Variants in PRKN observed in about 807,000 individuals in gnomAD.
PRKN encodes E3 ubiquitin-protein ligase parkin.
Under a neutral mutation model 59.5 loss-of-function variants are expected in PRKN, and 56 were observed. That is an observed-to-expected ratio of 0.94 (90% CI 0.76 to 1.18). The LOEUF (loss-of-function observed/expected upper bound fraction) is 1.18. PRKN is among the 50% of genes most tolerant of loss of function. The pLI is 0.00. For synonymous variants in PRKN, 250 were observed against 222.1 expected (o/e 1.13, Z -1.12); for missense variants, 657 against 596.4 (o/e 1.10, Z -1.06).
intron 1 of PRKN, among the ~76,000 whole-genome samples, chr6:162,695,576 T>A (rs187153868): frequency 5.3e-5 from 8 of 152,188 alleles, no homozygotes; most frequent in African/African-American, 1.9e-4. Context: ...CATTCATTTT[T>A]AAAAAACTCT....
chr6:161,716,385 T>A (rs1466673340), intron 7 of PRKN, among the ~76,000 whole-genome samples: 1 of 152,092 alleles, frequency 6.6e-6, no homozygotes, highest in Non-Finnish European at 1.5e-5. Context: ...TCCCCCTAAA[T>A]GTATAGAAAT....
intron 9 of PRKN, among the ~76,000 whole-genome samples, chr6:161,501,763 A>G (rs1270499852): frequency 6.6e-6 from 1 of 152,174 alleles, no homozygotes; most frequent in Non-Finnish European, 1.5e-5. Context: ...GAATTTGTAC[A>G]AGGCTCAGTG....
At chr6:161,799,913 A>G (rs1407782471) in intron 6 of PRKN, among the ~76,000 whole-genome samples, 1 of 152,144 alleles carries the variant, frequency 6.6e-6, no homozygotes, top group Non-Finnish European at 1.5e-5. Context: ...GGCATTTGTG[A>G]AGAATTAATC....
At chr6:161,910,530 C>A (rs566824767) in intron 6 of PRKN, among the ~76,000 whole-genome samples, 1 of 152,286 alleles carries the variant, frequency 6.6e-6, no homozygotes, top group South Asian at 2.1e-4. Context: ...GCTGGGATTA[C>A]AGGCATGAGC....
At chr6:162,688,664 C>A (rs1196381063) in intron 1 of PRKN, among the ~76,000 whole-genome samples, 1 of 152,136 alleles carries the variant, frequency 6.6e-6, no homozygotes, top group African/African-American at 2.4e-5. Context: ...TTCAACGTGG[C>A]TACAACTCCT....
At position 162,137,502 on chromosome 6, in the gene PRKN, T is replaced by C. The variant is rs1038381674; in HGVS notation, c.534+63629A>G. 2.0e-5 allele frequency among the ~76,000 whole-genome samples: 3 copies of C among 152,220 alleles called. No individual in the cohort carries two copies. The East Asian group carries it at 5.8e-4, about 29-fold the overall frequency. ...TAGAAAAATAGAGAAACAACTGTTTTCTGACTGTCTCAGTCTGTTTTGTGC... is the reference window on the plus strand; with the variant it reads ...TAGAAAAATAGAGAAACAACTGTTTCCTGACTGTCTCAGTCTGTTTTGTGC... On this transcript the variant is annotated intron_variant, in intron 4 of 11. Transcript: ENST00000366898.
intron 6 of PRKN, among the ~76,000 whole-genome samples, chr6:161,835,452 A>C (rs1792710206): frequency 6.6e-6 from 1 of 152,152 alleles, no homozygotes; most frequent in African/African-American, 2.4e-5. Context: ...TCACTCTGGG[A>C]GTTACATCTG....
rs556023854 is a variant in PRKN, at chr6:162,015,245, C to A, written c.618+38846G>T. ...TGGCAGTGGAGAAAAGGAACTCACA[C>A]AAGTACACCGCTGAGCTTCATTCTT... On this transcript the variant is annotated intron_variant, in intron 5 of 11. Transcript: ENST00000366898. Among the ~76,000 whole-genome samples, 15 of 152,192 alleles carry A rather than the reference C, an allele frequency of 9.9e-5. No individual in the cohort carries two copies. The East Asian group carries it at 2.9e-3, about 29-fold the overall frequency.
At chr6:162,522,000 G>A (rs1013843077) in intron 1 of PRKN, among the ~76,000 whole-genome samples, 5 of 152,158 alleles carry the variant, frequency 3.3e-5, no homozygotes, top group Admixed American at 2.6e-4. Flanking sequence ...TACTTATAAA[G>A]ATGTAACTCA....
intron 4 of PRKN, among the ~76,000 whole-genome samples, chr6:162,060,991 C>T (rs145986979): frequency 2.0e-5 from 3 of 152,278 alleles, no homozygotes; most frequent in South Asian, 2.1e-4. Flanking sequence ...AATACAACAA[C>T]AGCAAAACTA....
At chr6:161,913,841 G>C (rs531362207) in intron 6 of PRKN, among the ~76,000 whole-genome samples, 2 of 152,272 alleles carry the variant, frequency 1.3e-5, no homozygotes, top group South Asian at 4.1e-4. Flanking sequence ...CATGAAAGCA[G>C]AGAACCCTTA....
intron 7 of PRKN, among the ~76,000 whole-genome samples, chr6:161,675,568 G>A (rs1274247445): frequency 3.9e-5 from 6 of 152,268 alleles, no homozygotes; most frequent in East Asian, 3.9e-4. Context: ...CTGAGTTCAC[G>A]GGCAGTGGTG....
chr6:162,130,389 T>TAC lies in PRKN; in HGVS notation c.534+70740_534+70741dup, dbSNP rs139079214. Among the ~76,000 whole-genome samples, 270 of 151,466 alleles carry TAC rather than the reference T, an allele frequency of 1.8e-3. 1 individual carries two copies. Among genetic ancestry groups the TAC allele is most frequent in the African/African-American group, 5.8e-3 (240 of 41,306 alleles). ...AACCTCTTCACGGGTAACAACTGTA[T>TAC]ACACACACACACACACGGACACGTA... On this transcript the variant is annotated intron_variant, in intron 4 of 11. Transcript: ENST00000366898.
At chr6:162,140,784 G>T (rs1284831322) in intron 4 of PRKN, among the ~76,000 whole-genome samples, 1 of 152,124 alleles carries the variant, frequency 6.6e-6, no homozygotes, top group Non-Finnish European at 1.5e-5. Flanking sequence ...TTTGAAACAA[G>T]AGCCTACATT....
chr6:162,067,787 T>C (rs572901055), intron 4 of PRKN, among the ~76,000 whole-genome samples: 2 of 152,340 alleles, frequency 1.3e-5, no homozygotes, highest in South Asian at 4.1e-4. Flanking sequence ...TTTTTACAGA[T>C]GGAGAGACTG....
intron 1 of PRKN, among the ~76,000 whole-genome samples, chr6:162,445,497 G>C (rs1790264881): frequency 6.6e-6 from 1 of 151,730 alleles, no homozygotes; most frequent in East Asian, 1.9e-4. Context: ...GACCAGCCTG[G>C]GCAACAAAGT....
At chr6:162,228,092 C>T (rs1274793797) in intron 3 of PRKN, among the ~76,000 whole-genome samples, 1 of 152,110 alleles carries the variant, frequency 6.6e-6, no homozygotes, top group East Asian at 1.9e-4. Context: ...CTACGCTGAG[C>T]TCATTCAAGG....
rs979632120 is a variant in PRKN at position 161,530,625 on chromosome 6, T to TAGAA, written c.1083+18228_1083+18229insTTCT. ...TCCACCTCCCAGGTTCAAGCGCTTC[T>TAGAA]CCTGCCTAGCCTCCCAAGTAGCTGG... On this transcript the variant is annotated intron_variant, in intron 9 of 11. Transcript: ENST00000366898. This position sits in a 1 kb window ranked among gnomAD's most constrained non-coding sequence, Gnocchi z 5.0. 3.3e-5 allele frequency among the ~76,000 whole-genome samples: 5 copies of TAGAA among 152,014 alleles called. No homozygotes were observed. Among genetic ancestry groups the TAGAA allele is most frequent in the Admixed American group, 2.6e-4 (4 of 15,246 alleles).
rs545818567 is a variant in PRKN at position 161,561,513 on chromosome 6, G to A, written c.933+7842C>T. Among the ~76,000 whole-genome samples the A allele has an allele frequency of 1.2e-4, 19 of 152,146 alleles. 1 individual carries two copies. The highest frequency in any genetic ancestry group is 1.2e-3 in the South Asian group (6 of 4,812). On this transcript the variant is annotated intron_variant, in intron 8 of 11. Transcript: ENST00000366898. The surrounding 1 kb of genome is among the most constrained non-coding windows in gnomAD (Gnocchi z 5.0). ...GCAGTGAAAAATGACATCTTCCTTCGTGGAGCCATCATACTGCATCTCTCC... is the reference window on the plus strand; with the variant it reads ...GCAGTGAAAAATGACATCTTCCTTCATGGAGCCATCATACTGCATCTCTCC...
Sources: allele counts gnomAD v4.1 joint callset (sites outside exome capture counted in the v4.1 genomes callset), GRCh38; gene constraint gnomAD v4.1.1; non-coding constraint Gnocchi (gnomAD v3.1); transcripts MANE v1.5; gene names NCBI Gene and HGNC (gene_info 2026-07-23, HGNC 2026-07-21).